The following CREM variants were observed in gnomAD, a reference collection of about 807,000 sequenced individuals.
CREM encodes cAMP-responsive element modulator.
Under a neutral mutation model 37.3 loss-of-function variants are expected in CREM, and 13 were observed. The observed-to-expected ratio is 0.35, with a 90% CI of 0.23 to 0.55. The LOEUF is 0.55. CREM is among the 20% of genes least tolerant of loss of function. CREM has a pLI of 0.88. For missense variants in CREM, 296 were observed against 362.3 expected, an observed-to-expected ratio of 0.82 and a Z score of 1.49; for synonymous variants, 124 against 120.2, an observed-to-expected ratio of 1.03 and a Z score of -0.21.
chr10:35,170,800 T>C (rs2093776540), intron 3 of CREM, among the ~76,000 whole-genome samples: 1 of 152,174 alleles, frequency 6.6e-6, no homozygotes, highest in Admixed American at 6.5e-5. Context: ...TTTTCTTCTT[T>C]ATTGGAGTTT....
chr10:35,184,137 C>T (rs1309996440), intron 5 of CREM, among the ~76,000 whole-genome samples: 4 of 152,172 alleles, frequency 2.6e-5, no homozygotes, highest in Admixed American at 6.5e-5. Context: ...GTGGTTTGTG[C>T]CTGTAGTCCC....
At chr10:35,208,240 C>G (rs1042382590) in intron 7 of CREM, among the ~76,000 whole-genome samples, 2 of 152,152 alleles carry the variant, frequency 1.3e-5, no homozygotes, top group Non-Finnish European at 2.9e-5. Flanking sequence ...ATCCATGGCT[C>G]TAACCACTTA....
At chr10:35,211,170 G>A (rs2095657661) in intron 7 of CREM, 84 bp from the exon 8 acceptor site, 1 of 1,485,312 alleles carries the variant, frequency 6.7e-7, no homozygotes. Flanking sequence ...TGGCTGTTGA[G>A]TTCGGGGGGC....
At chr10:35,132,975 C>T (rs897358755) in intron 1 of CREM, among the ~76,000 whole-genome samples, 1 of 152,216 alleles carries the variant, frequency 6.6e-6, no homozygotes, top group Admixed American at 6.5e-5. Flanking sequence ...TAAAACCTTG[C>T]TTCATCACAG....
At chr10:35,184,786 C>T (rs556658558) in intron 5 of CREM, among the ~76,000 whole-genome samples, 28 of 149,666 alleles carry the variant, frequency 1.9e-4, no homozygotes, top group East Asian at 1.2e-3. Flanking sequence ...AAAAAGGAAA[C>T]GAGTAAAGCA....
intron 1 of CREM, among the ~76,000 whole-genome samples, chr10:35,133,011 C>G (rs141768787): frequency 6.6e-6 from 1 of 152,330 alleles, no homozygotes; most frequent in East Asian, 1.9e-4. Flanking sequence ...TTGTATTTCT[C>G]TGTTCTCTTT....
intron 5 of CREM, among the ~76,000 whole-genome samples, 155 bp from the exon 6 acceptor site, chr10:35,188,045 G>A (rs933849924): frequency 6.6e-6 from 1 of 152,184 alleles, no homozygotes; most frequent in Admixed American, 6.5e-5. Context: ...GTCCCATGAC[G>A]AAGCTGATCT....
chr10:35,128,274 C>T (rs7902166), intron 1 of CREM, among the ~76,000 whole-genome samples: 2 of 152,178 alleles, frequency 1.3e-5, no homozygotes, highest in African/African-American at 4.8e-5. Context: ...TTGGGACTTA[C>T]AGGGCCAGTC....
In CREM at chr10:35,196,865, C is replaced by CTTTTTTTTTTTT. The variant is rs58503822; in HGVS notation, c.598+8488_598+8499dup. ...TAAAATGATGTGAAAACGCTGTGTA[C>CTTTTTTTTTTTT]TTTTTTTTTTTTTTTTTTTTTTGAG... On this transcript the variant is annotated intron_variant, in intron 6 of 7. Coordinates refer to ENST00000685392, the MANE Select transcript of CREM (RefSeq NM_183011.2). Among the ~76,000 whole-genome samples the CTTTTTTTTTTTT allele has an allele frequency of 1.6e-4, 17 of 108,938 alleles. 2 individuals carry two copies. The highest frequency in any genetic ancestry group is 5.3e-4 in the East Asian group (2 of 3,782). The allele number at this position is 108,938 out of a possible 152,430, so 71.5% of individuals were successfully genotyped here.
At chr10:35,172,388 A>G (rs2093862875) in intron 3 of CREM, among the ~76,000 whole-genome samples, 2 of 152,116 alleles carry the variant, frequency 1.3e-5, no homozygotes, top group African/African-American at 2.4e-5. Context: ...GAGGCTTGCT[A>G]GGTCAAAACC....
At chr10:35,210,976 T>C (rs117372658) in intron 7 of CREM, among the ~76,000 whole-genome samples, 1 of 152,358 alleles carries the variant, frequency 6.6e-6, no homozygotes, top group East Asian at 1.9e-4. Flanking sequence ...TATTGTAGTT[T>C]ACTGAAAACA....
At chr10:35,197,610 G>A (rs1217584195) in intron 6 of CREM, among the ~76,000 whole-genome samples, 1 of 151,904 alleles carries the variant, frequency 6.6e-6, no homozygotes, top group African/African-American at 2.4e-5. Flanking sequence ...CCACCACCAC[G>A]CCCGGCTAAT....
intron 3 of CREM, chr10:35,167,427 T>C: frequency 2.9e-6 from 1 of 344,394 alleles, no homozygotes; most frequent in Non-Finnish European, 5.2e-6. Context: ...AGCAGTCTGC[T>C]ATATTGTGAA....
chr10:35,160,999 C>G (rs2093259168), intron 3 of CREM, among the ~76,000 whole-genome samples: 1 of 152,032 alleles, frequency 6.6e-6, no homozygotes, highest in South Asian at 2.1e-4. Flanking sequence ...GAAAGACCTG[C>G]CTGAGGCTGT....
intron 3 of CREM, among the ~76,000 whole-genome samples, chr10:35,148,838 C>A (rs1032987329): frequency 6.6e-6 from 1 of 152,044 alleles, no homozygotes; most frequent in Non-Finnish European, 1.5e-5. Context: ...CCATTTTCCC[C>A]GTATATATTT....
In CREM at chr10:35,195,354, C is replaced by A. The variant is rs142707912; in HGVS notation, c.598+6966C>A. The A allele has an allele frequency of 9.8e-6, 8 of 818,172 alleles. No homozygotes were observed. The East Asian group carries it at 2.0e-4, about 20-fold the overall frequency. 50.7% of individuals were successfully genotyped at this position (818,172 alleles called of 1,614,324 possible). On this transcript the variant is annotated intron_variant, in intron 6 of 7. Transcript: ENST00000685392. ...GTAAGACTTTTTTTGAAATATACAT[C>A]TATATATTCAGCTCACTTTGTTAGG...
intron 1 of CREM, among the ~76,000 whole-genome samples, chr10:35,132,786 G>A (rs558505870): frequency 1.3e-5 from 2 of 152,188 alleles, no homozygotes; most frequent in South Asian, 4.1e-4. Flanking sequence ...GCAGCTATAT[G>A]GCTGTTTGGA....
intron 6 of CREM, among the ~76,000 whole-genome samples, chr10:35,189,430 C>A (rs2094809411): frequency 6.6e-6 from 1 of 152,038 alleles, no homozygotes. Context: ...GAATTCTATT[C>A]CTCTTGGTCC....
At chr10:35,188,653 G>T (rs1323629967) in intron 6 of CREM, among the ~76,000 whole-genome samples, 2 of 148,090 alleles carry the variant, frequency 1.4e-5, no homozygotes, top group African/African-American at 2.5e-5. Flanking sequence ...ATAGAAACAT[G>T]AATGAATTTT....
Sources: gnomAD v4.1 joint callset for allele counts (sites outside exome capture counted in the v4.1 genomes callset) on GRCh38, gnomAD v4.1.1 for gene constraint, MANE v1.5 for transcripts, NCBI Gene and HGNC (gene_info 2026-07-23, HGNC 2026-07-21) for gene names.